The following BAZ1B variants were observed in gnomAD, a reference collection of about 807,000 sequenced individuals.
BAZ1B encodes bromodomain adjacent to zinc finger domain 1B.
Under a neutral mutation model 153.8 loss-of-function variants are expected in BAZ1B, and 22 were observed. The observed-to-expected ratio is 0.14, with a 90% CI of 0.10 to 0.20. The LOEUF (loss-of-function observed/expected upper bound fraction) is 0.20. Among genes scored for constraint, BAZ1B ranks in the 10% least tolerant of loss-of-function variants. The probability of loss-of-function intolerance (pLI) is 1.00; values close to 1 mark genes in which losing one functional copy is unlikely to be tolerated. For missense variants in BAZ1B, 1,325 were observed against 1,799.3 expected, an observed-to-expected ratio of 0.74 and a Z score of 4.77; for synonymous variants, 676 against 633.4, an observed-to-expected ratio of 1.07 and a Z score of -1.01.
chr7:73,510,922 TATATACAGAAAAAA>T (rs1554578491), intron 1 of BAZ1B, 70 bp from the exon 2 acceptor site: 4 of 1,261,982 alleles, frequency 3.2e-6, no homozygotes, highest in Non-Finnish European at 4.5e-6. Context: ...ATAAGATACT[TATATACAGAAAAAA>T]ATCTAGTCTC....
At position 73,442,229 on chromosome 7, in the gene BAZ1B, A is replaced by G. The variant is rs1554565187; in HGVS notation, c.4419T>C (p.Val1473=). 6.4e-7 allele frequency: 1 copy of G among 1,559,840 alleles called. No homozygotes were observed. The change falls in exon 19 of 20, where the codon GTT becomes GTC. Residue 1473 remains valine, a synonymous_variant. Coordinates refer to ENST00000339594, the MANE Select transcript of BAZ1B (RefSeq NM_032408.4). ...TCTGTCTTCGTCCCCTGGACTGTCC[A>G]ACGGCCTCTGGCTCACTGTCCCCTT... ...EDEGDSEPEA[V]GQSRGRRQKK is the part of the protein sequence containing the mutation.
intron 1 of BAZ1B, among the ~76,000 whole-genome samples, chr7:73,521,573 G>A (rs1330079464): frequency 6.6e-6 from 1 of 151,964 alleles, no homozygotes; most frequent in African/African-American, 2.4e-5. Context: ...GCGAGGCCCC[G>A]GGACAAAGTG....
At chr7:73,482,858 C>T (rs912211962) in intron 6 of BAZ1B, among the ~76,000 whole-genome samples, 2 of 152,092 alleles carry the variant, frequency 1.3e-5, no homozygotes, top group Non-Finnish European at 2.9e-5. Context: ...CCCAATAGGC[C>T]GGCTCCCCAC....
At chr7:73,471,814 G>A (rs6977447) in intron 7 of BAZ1B, among the ~76,000 whole-genome samples, 9,334 of 151,696 alleles carry the variant, frequency 0.062, 331 homozygotes, top group African/African-American at 0.079. Flanking sequence ...TCTAGCCCAA[G>A]TGAAACTGTG....
At chr7:73,518,605 C>A (rs1790908184) in intron 1 of BAZ1B, among the ~76,000 whole-genome samples, 1 of 152,090 alleles carries the variant, frequency 6.6e-6, no homozygotes, top group African/African-American at 2.4e-5. Context: ...ACTCTGGAGG[C>A]TGAGGCAGGA....
chr7:73,441,998 T>C, intron 19 of BAZ1B, 183 bp downstream of exon 19: 1 of 583,630 alleles, frequency 1.7e-6, no homozygotes. Flanking sequence ...CTTTGTCCCT[T>C]CATATTTCTG....
chr7:73,443,077 G>T (rs535557853), intron 17 of BAZ1B, among the ~76,000 whole-genome samples: 1 of 152,182 alleles, frequency 6.6e-6, no homozygotes, highest in South Asian at 2.1e-4. Flanking sequence ...AGCAGGCAGC[G>T]GGGGCCGCCT....
Position 73,449,550 on chromosome 7 carries a change from G to A in BAZ1B, c.3720C>T (p.Ser1240=). 1 of 1,609,916 alleles carries A rather than the reference G, an allele frequency of 6.2e-7. No individual in the cohort carries two copies. The highest frequency in any genetic ancestry group is 8.5e-7 in the Non-Finnish European group (1 of 1,178,680). ...AAAGAAAAGATTCTCACCTGCCACG[G>A]GAGTTGCGCCTGGCAGTAGCGGGCT... The part of the protein sequence containing the change: ...ACQPATARRN[S]RGRNYTEESA... Residue 1240 remains serine, a synonymous_variant, in exon 15 of 20, where the codon TCC becomes TCT. Coordinates refer to ENST00000339594, the MANE Select transcript of BAZ1B (RefSeq NM_032408.4).
chr7:73,443,937 G>A lies in BAZ1B; in HGVS notation c.3990+47C>T, dbSNP rs781995816. 4 of 1,609,990 alleles carry A rather than the reference G, an allele frequency of 2.5e-6. 1 individual carries two copies. In the South Asian group the frequency reaches 4.4e-5, roughly 18 times the overall value. On this transcript the variant is annotated intron_variant, in intron 17 of 19. Transcript: ENST00000339594. ...ATGAATTCCTAATTGCTGGGGTAGGGAATAAGAAACAGAAAGGTTAGAGAA... is the reference window on the plus strand; with the variant it reads ...ATGAATTCCTAATTGCTGGGGTAGGAAATAAGAAACAGAAAGGTTAGAGAA...
At chr7:73,485,320 G>A (rs1789360285) in intron 6 of BAZ1B, among the ~76,000 whole-genome samples, 1 of 152,052 alleles carries the variant, frequency 6.6e-6, no homozygotes. Flanking sequence ...TAATTCGTGT[G>A]TATATAGACA....
intron 5 of BAZ1B, among the ~76,000 whole-genome samples, chr7:73,492,413 C>T (rs954598533): frequency 1.3e-5 from 2 of 152,162 alleles, no homozygotes; most frequent in African/African-American, 4.8e-5. Flanking sequence ...CCGCCCACCT[C>T]GGCCTCCCAA....
At chr7:73,479,628 A>C (rs1563382181) in intron 6 of BAZ1B, among the ~76,000 whole-genome samples, 2 of 151,926 alleles carry the variant, frequency 1.3e-5, no homozygotes, top group Admixed American at 1.3e-4. Flanking sequence ...ACAATCCTTC[A>C]ATCTCACCAG....
chr7:73,465,689 T>C, intron 10 of BAZ1B, 152 bp from the exon 11 acceptor site: 1 of 494,536 alleles, frequency 2.0e-6, no homozygotes, highest in Non-Finnish European at 3.5e-6. Context: ...GAATAAGTAA[T>C]TTACTATTTT....
At chr7:73,447,145 A>G in intron 16 of BAZ1B, 119 bp downstream of exon 16, 1 of 1,574,372 alleles carries the variant, frequency 6.4e-7, no homozygotes, top group East Asian at 2.2e-5. Context: ...CACAGTCACA[A>G]CACAAGAGAA....
At chr7:73,503,744 A>C (rs1291961383) in intron 3 of BAZ1B, among the ~76,000 whole-genome samples, 1 of 152,120 alleles carries the variant, frequency 6.6e-6, no homozygotes, top group Non-Finnish European at 1.5e-5. Context: ...TGCCATGTCA[A>C]TTCCATTTCC....
At chr7:73,463,237 TTC>T (rs1788458605) in intron 11 of BAZ1B, 138 bp from the exon 12 acceptor site, 10 of 811,744 alleles carry the variant, frequency 1.2e-5, no homozygotes, top group East Asian at 5.5e-5. Flanking sequence ...TTTTTCTTTT[TTC>T]TTTTTTTTTT....
In BAZ1B at chr7:73,442,706, C is replaced by T; in HGVS notation, c.4094+19G>A. The T allele has an allele frequency of 6.2e-7, 1 of 1,611,336 alleles. No individual in the cohort carries two copies. The highest frequency in any genetic ancestry group is 1.1e-5 in the South Asian group (1 of 90,984). On this transcript the variant is annotated intron_variant, in intron 18 of 19. Transcript: ENST00000339594. ...GCCAGGCCACTCCTCTCCCCTGCAC[C>T]TGAGAACACAGCACTCACCTGAAGG... is the stretch of plus-strand genomic sequence containing the variant.
In BAZ1B at chr7:73,498,466, AAACACTAAGGAAAGCT is replaced by A. The variant is rs1414518967; in HGVS notation, c.571+15_571+30del. 1.3e-6 allele frequency: 2 copies of A among 1,592,152 alleles called. No homozygotes were observed. Among genetic ancestry groups the A allele is most frequent in the African/African-American group, 2.7e-5 (2 of 74,460 alleles). Reference sequence around the variant, plus strand: ...ATAATAAAATAAACAGGATCTCATAAAACACTAAGGAAAGCTAATATCAAACATACTAATACTCTCT... The same window carrying A: ...ATAATAAAATAAACAGGATCTCATAAAATATCAAACATACTAATACTCTCT... On this transcript the variant is annotated intron_variant, in intron 4 of 19. Transcript: ENST00000339594.
At chr7:73,497,485 A>G (rs782678137) in intron 4 of BAZ1B, among the ~76,000 whole-genome samples, 16 of 152,182 alleles carry the variant, frequency 1.1e-4, no homozygotes, top group Non-Finnish European at 1.8e-4. Context: ...TTAACTTTTT[A>G]TAATAGATTT....
Sources: gnomAD v4.1 joint callset for allele counts (sites outside exome capture counted in the v4.1 genomes callset) on GRCh38, gnomAD v4.1.1 for gene constraint, MANE v1.5 for transcripts, NCBI Gene and HGNC (gene_info 2026-07-23, HGNC 2026-07-21) for gene names.